Variants in EGFLAM observed in about 807,000 individuals in gnomAD.
EGFLAM encodes the protein EGF like, fibronectin type III and laminin G domains.
Under a neutral mutation model 113.1 loss-of-function variants are expected in EGFLAM, and 79 were observed. The observed-to-expected ratio is 0.70, with a 90% confidence interval of 0.58 to 0.84. The LOEUF is 0.84. Among genes scored for constraint, EGFLAM ranks in the 40% least tolerant of loss-of-function variants. The pLI is 0.00. For missense variants in EGFLAM, 1,265 were observed against 1,291.6 expected (o/e 0.98, Z 0.32); for synonymous variants, 504 against 487.6 (o/e 1.03, Z -0.44).
chr5:38,309,376 G>A (rs1224846979), intron 1 of EGFLAM, among the ~76,000 whole-genome samples: 1 of 152,174 alleles, frequency 6.6e-6, no homozygotes, highest in African/African-American at 2.4e-5. Flanking sequence ...GCAAGGTTGA[G>A]ACATGCAAAC....
At chr5:38,284,675 C>T (rs190704505) in intron 1 of EGFLAM, among the ~76,000 whole-genome samples, 10 of 152,262 alleles carry the variant, frequency 6.6e-5, no homozygotes, top group Admixed American at 4.6e-4. Context: ...TCTCTTGTTT[C>T]CTGGCAAATA....
At chr5:38,272,923 G>T (rs1300948033) in intron 1 of EGFLAM, among the ~76,000 whole-genome samples, 1 of 152,110 alleles carries the variant, frequency 6.6e-6, no homozygotes, top group Non-Finnish European at 1.5e-5. Flanking sequence ...AAAAAAATAA[G>T]ATTTAGAAGA....
At chr5:38,380,259 T>A (rs1740474871) in intron 6 of EGFLAM, among the ~76,000 whole-genome samples, 1 of 152,236 alleles carries the variant, frequency 6.6e-6, no homozygotes, top group Admixed American at 6.5e-5. Flanking sequence ...GGAAATTTGG[T>A]AAATCCCCTT....
intron 5 of EGFLAM, among the ~76,000 whole-genome samples, chr5:38,366,188 G>T (rs1740055137): frequency 6.6e-6 from 1 of 152,156 alleles, no homozygotes; most frequent in Non-Finnish European, 1.5e-5. Context: ...GATGGGTCTA[G>T]AGCAACTTCT....
intron 12 of EGFLAM, among the ~76,000 whole-genome samples, chr5:38,423,097 T>C (rs12332339): frequency 0.035 from 5,360 of 152,292 alleles, 316 homozygotes; most frequent in African/African-American, 0.12. Flanking sequence ...CCCTTTGCTT[T>C]GCAGAAGCCA....
At chr5:38,327,023 C>G (rs1283446356) in intron 1 of EGFLAM, among the ~76,000 whole-genome samples, 2 of 151,864 alleles carry the variant, frequency 1.3e-5, no homozygotes, top group African/African-American at 4.8e-5. Context: ...GTTTCAAACC[C>G]CTGACCTCAG....
At chr5:38,391,624 C>T (rs565029970) in intron 6 of EGFLAM, among the ~76,000 whole-genome samples, 60 of 151,926 alleles carry the variant, frequency 3.9e-4, no homozygotes, top group African/African-American at 1.3e-3. Flanking sequence ...GTCTCGAACT[C>T]GACTTCAAGT....
chr5:38,421,609 A>G (rs991130101), intron 12 of EGFLAM, among the ~76,000 whole-genome samples: 1 of 152,210 alleles, frequency 6.6e-6, no homozygotes, highest in Non-Finnish European at 1.5e-5. Context: ...CAGTCCTCAT[A>G]TAGTTGCCAT....
chr5:38,441,500 T>G (rs1303123771), intron 17 of EGFLAM, among the ~76,000 whole-genome samples: 1 of 152,130 alleles, frequency 6.6e-6, no homozygotes, highest in Non-Finnish European at 1.5e-5. Context: ...CCTCAGAGCT[T>G]GTGTATCTAA....
intron 1 of EGFLAM, among the ~76,000 whole-genome samples, chr5:38,336,507 G>C (rs567121697): frequency 1.3e-5 from 2 of 152,018 alleles, no homozygotes; most frequent in South Asian, 2.1e-4. Flanking sequence ...CCGGGAGGCG[G>C]GGCTTGCAGT....
chr5:38,274,028 T>A (rs1327056436), intron 1 of EGFLAM, among the ~76,000 whole-genome samples: 1 of 151,822 alleles, frequency 6.6e-6, no homozygotes, highest in Non-Finnish European at 1.5e-5. Flanking sequence ...CAGAGAAATA[T>A]TAAAAAATCA....
chr5:38,393,874 G>C (rs1740882494), intron 6 of EGFLAM, among the ~76,000 whole-genome samples: 1 of 152,242 alleles, frequency 6.6e-6, no homozygotes, highest in Non-Finnish European at 1.5e-5. Flanking sequence ...TCGGCACCCG[G>C]GTTCTTGTCC....
chr5:38,332,878 T>G (rs558080276), intron 1 of EGFLAM, among the ~76,000 whole-genome samples: 5 of 152,346 alleles, frequency 3.3e-5, no homozygotes, highest in Non-Finnish European at 7.3e-5. Context: ...GTGCGCGTCA[T>G]AGCCATCATG....
chr5:38,444,715 C>A (rs771288335), intron 17 of EGFLAM, among the ~76,000 whole-genome samples: 2 of 152,158 alleles, frequency 1.3e-5, no homozygotes, highest in Non-Finnish European at 2.9e-5. Context: ...GAGGCCCAGG[C>A]AGGTGGATCA....
At chr5:38,395,000 G>A (rs923355368) in intron 6 of EGFLAM, among the ~76,000 whole-genome samples, 1 of 151,904 alleles carries the variant, frequency 6.6e-6, no homozygotes, top group African/African-American at 2.4e-5. Context: ...GAGTGCAGTG[G>A]CACGATCTCG....
chr5:38,399,277 G>GTTTTTTTTTTTTTTTTTTTTTT (rs797021726), intron 6 of EGFLAM, among the ~76,000 whole-genome samples: 1 of 118,472 alleles, frequency 8.4e-6, no homozygotes, highest in Non-Finnish European at 1.8e-5. Flanking sequence ...TTTTGTTTTC[G>GTTTTTTTTTTTTTTTTTTTTTT]TTTTTTTTTT....
intron 6 of EGFLAM, among the ~76,000 whole-genome samples, chr5:38,389,932 C>T (rs1740766737): frequency 6.6e-6 from 1 of 152,090 alleles, no homozygotes; most frequent in African/African-American, 2.4e-5. Context: ...TTTTTATTCT[C>T]CTAATAAAAT....
At chr5:38,324,188 T>C (rs369547658) in intron 1 of EGFLAM, among the ~76,000 whole-genome samples, 6 of 152,288 alleles carry the variant, frequency 3.9e-5, no homozygotes, top group African/African-American at 1.4e-4. Context: ...GAGAATTACT[T>C]TGATCTGCTC....
chr5:38,456,630 T>A (rs560910708), intron 19 of EGFLAM, among the ~76,000 whole-genome samples: 76 of 152,336 alleles, frequency 5.0e-4, no homozygotes, highest in Admixed American at 3.2e-3. Context: ...ATGGGCTGTG[T>A]GAGTTCTTCG....
Sources: allele counts gnomAD v4.1 joint callset (sites outside exome capture counted in the v4.1 genomes callset), GRCh38; gene constraint gnomAD v4.1.1; transcripts MANE v1.5; gene names NCBI Gene and HGNC (gene_info 2026-07-23, HGNC 2026-07-21).